SFXN5: variants seen among roughly 807,000 people sequenced by gnomAD.
SFXN5 encodes the protein sideroflexin 5.
Under a neutral mutation model 50.2 loss-of-function variants are expected in SFXN5, and 43 were observed. The observed-to-expected ratio is 0.86, with a 90% CI of 0.67 to 1.11. The LOEUF is 1.11. Ranked by LOEUF, SFXN5 falls within the 50% of genes least tolerant of loss-of-function variation. The pLI is 0.00. For missense variants in SFXN5, 463 were observed against 454.1 expected (o/e 1.02, Z -0.18); for synonymous variants, 203 against 185.8 (o/e 1.09, Z -0.75).
Position 73,023,202 on chromosome 2 carries a change from G to T in SFXN5, c.262C>A (p.Gln88Lys). Residue 88 changes from glutamine (Q) to lysine (K), a missense_variant, in exon 4 of 14, where the codon CAG (glutamine) becomes AAG (lysine). By Grantham distance (53) the Gln-to-Lys change is moderately conservative. Coordinates refer to ENST00000272433, the MANE Select transcript of SFXN5 (RefSeq NM_144579.3). ...GVTNEQLWSA[Q>K]KIKQAILHPD... ...AACTGGATTACCTGCTTGATTTTCTGTGCACTCCAGAGCTGGAAGAGAGAT... is the reference window on the plus strand; with the variant it reads ...AACTGGATTACCTGCTTGATTTTCTTTGCACTCCAGAGCTGGAAGAGAGAT... 1 of 1,603,562 alleles carries T rather than the reference G, an allele frequency of 6.2e-7. No homozygotes were observed. The highest frequency in any genetic ancestry group is 1.7e-5 in the Admixed American group (1 of 59,062).
chr2:72,959,851 T>C (rs1180148204), intron 13 of SFXN5, among the ~76,000 whole-genome samples: 1 of 152,150 alleles, frequency 6.6e-6, no homozygotes, highest in Non-Finnish European at 1.5e-5. Flanking sequence ...CCCCTCCTGA[T>C]CCCACATCTT....
In SFXN5 at chr2:72,961,911, G is replaced by A. The variant is rs1673789338; in HGVS notation, c.828-663C>T. On this transcript the variant is annotated intron_variant, in intron 12 of 13. Coordinates refer to ENST00000272433, the MANE Select transcript of SFXN5 (RefSeq NM_144579.3). This position sits in a 1 kb window ranked among gnomAD's most constrained non-coding sequence, Gnocchi z 4.4. ...CCCCGAGGGTGCTGTCACCCCAGCT[G>A]GTCCCCTGTGCCAGCTTCATCACCA... 6.6e-6 allele frequency among the ~76,000 whole-genome samples: 1 copy of A among 151,770 alleles called. No homozygotes were observed. The highest frequency in any genetic ancestry group is 2.1e-4 in the South Asian group (1 of 4,818).
chr2:73,059,793 G>A lies in SFXN5; in HGVS notation c.103-1197C>T. The A allele has an allele frequency of 5.1e-6, 5 of 979,740 alleles. 2 individuals are homozygous for A. Among genetic ancestry groups the A allele is most frequent in the Non-Finnish European group, 6.1e-6 (5 of 826,154 alleles). 60.7% of individuals were successfully genotyped at this position (979,740 alleles called of 1,614,324 possible). ...TCCCATTAAAGACATACATAAGGGA[G>A]GCTCACAATGCTGTCCTGGCAAAAT... is the stretch of plus-strand genomic sequence containing the variant. On this transcript the variant is annotated intron_variant, in intron 1 of 13. Transcript: ENST00000272433.
chr2:73,058,382 TAGAG>T (rs1682401387), intron 2 of SFXN5, 142 bp downstream of exon 2: 4 of 669,532 alleles, frequency 6.0e-6, no homozygotes, highest in Non-Finnish European at 1.1e-5. Flanking sequence ...CAGCTACAGG[TAGAG>T]AGAATTTGTT....
intron 6 of SFXN5, among the ~76,000 whole-genome samples, chr2:73,013,483 T>C (rs1026768827): frequency 6.6e-6 from 1 of 151,262 alleles, no homozygotes; most frequent in South Asian, 2.1e-4. Context: ...CAAAACTGTC[T>C]GAACACACCA....
rs1357969108 is a variant in SFXN5 at position 72,971,571 on chromosome 2, T to C, written c.740A>G (p.His247Arg). Residue 247 changes from histidine to arginine, a missense_variant and splice_region_variant, in exon 11 of 14, where the codon CAC (histidine) becomes CGC (arginine). Physicochemically the swap from His to Arg is conservative, Grantham distance 29 (BLOSUM62 0). Transcript: ENST00000272433. ...LVGSSKIAAR[H>R]ALLETALTRV... is the part of the protein sequence containing the mutation. ...AACCCTGCGAACCCCCAGACCCACG[T>C]GTCGGGCTGCGATCTTGGAGGAGCC... The C allele has an allele frequency of 2.5e-6, 4 of 1,612,912 alleles. No homozygotes were observed. The African/African-American group carries it at 5.3e-5, about 22-fold the overall frequency.
At chr2:73,008,497 G>A (rs1409811384) in intron 6 of SFXN5, among the ~76,000 whole-genome samples, 2 of 152,204 alleles carry the variant, frequency 1.3e-5, no homozygotes, top group Admixed American at 1.3e-4. Context: ...GCCAAGGGAA[G>A]AGGGCGCAGG....
intron 9 of SFXN5, among the ~76,000 whole-genome samples, chr2:72,988,757 A>G (rs778891117): frequency 6.6e-6 from 1 of 151,786 alleles, no homozygotes; most frequent in African/African-American, 2.4e-5. Flanking sequence ...CCCCAGCCCT[A>G]AGCACCATCT....
chr2:73,056,448 G>A (rs1054711597), intron 2 of SFXN5, among the ~76,000 whole-genome samples: 1 of 151,810 alleles, frequency 6.6e-6, no homozygotes, highest in Non-Finnish European at 1.5e-5. Context: ...CATTTTGGGA[G>A]GCTGAGGTGG....
chr2:73,026,072 C>T (rs950692686), intron 3 of SFXN5, among the ~76,000 whole-genome samples: 23 of 151,620 alleles, frequency 1.5e-4, no homozygotes, highest in Admixed American at 9.8e-4. Context: ...GACAGGCCAT[C>T]AGCGCAATGC....
intron 1 of SFXN5, among the ~76,000 whole-genome samples, chr2:73,065,919 C>G (rs1408152994): frequency 6.6e-6 from 1 of 152,180 alleles, no homozygotes. Context: ...GTGTTTGTTT[C>G]CTGTCCTGGG....
chr2:73,058,442 T>A, intron 2 of SFXN5, 86 bp downstream of exon 2: 1 of 1,312,748 alleles, frequency 7.6e-7, no homozygotes, highest in Non-Finnish European at 1.1e-6. Flanking sequence ...CACTCCCCCA[T>A]CCTCACCCTC....
chr2:73,025,144 A>G (rs553476530), intron 3 of SFXN5, among the ~76,000 whole-genome samples: 2 of 150,720 alleles, frequency 1.3e-5, no homozygotes, highest in African/African-American at 2.4e-5. Flanking sequence ...GTTATTTAAA[A>G]ACAACAACAA....
chr2:73,037,421 T>C (rs1679126594), intron 3 of SFXN5, among the ~76,000 whole-genome samples: 1 of 152,194 alleles, frequency 6.6e-6, no homozygotes, highest in East Asian at 1.9e-4. Context: ...AAAACCTACG[T>C]GTCAGCCTAT....
At position 72,942,920 on chromosome 2, in the gene SFXN5, G is replaced by A. The variant is rs1417115089; in HGVS notation, c.*2102C>T. ...TGCACAAGAATAAGACCTTATGATA[G>A]GTAGGAGCAGGGTGAGCTTGAAGTG... On this transcript the variant is annotated 3_prime_UTR_variant, in exon 14 of 14. Transcript: ENST00000272433. 1.3e-5 allele frequency: 2 copies of A among 152,340 alleles called. No homozygotes were observed. Among genetic ancestry groups the A allele is most frequent in the Admixed American group, 6.5e-5 (1 of 15,290 alleles). The allele number at this position is 152,340 out of a possible 1,614,324, so 9.4% of individuals were successfully genotyped here.
rs921006166 is a variant in SFXN5 at position 72,960,935 on chromosome 2, T to C, written c.945+196A>G. On this transcript the variant is annotated intron_variant, in intron 13 of 13. Transcript: ENST00000272433. The surrounding 1 kb of genome is among the most constrained non-coding windows in gnomAD (Gnocchi z 6.1). ...ACCCTAACGCTCCTGGCTCCTCATC[T>C]GCTGGCCTCTGTTTAATCACCCTGT... Among the ~76,000 whole-genome samples the C allele has an allele frequency of 5.9e-5, 9 of 152,238 alleles. No individual in the cohort carries two copies. Among genetic ancestry groups the C allele is most frequent in the African/African-American group, 1.9e-4 (8 of 41,466 alleles).
At chr2:73,060,295 TGGGACACTGTGTTCTTCCAAATG>T (rs948920771) in intron 1 of SFXN5, among the ~76,000 whole-genome samples, 1 of 152,100 alleles carries the variant, frequency 6.6e-6, no homozygotes, top group Admixed American at 6.5e-5. Context: ...GAAGGGCAGG[TGGGACACTGTGTTCTTCCAAATG>T]TGATACCCCG....
intron 12 of SFXN5, among the ~76,000 whole-genome samples, chr2:72,963,621 C>A (rs1490016572): frequency 6.6e-6 from 1 of 152,042 alleles, no homozygotes; most frequent in East Asian, 1.9e-4. Flanking sequence ...TGTGCGAATG[C>A]CTGGGAGAAA....
chr2:73,042,487 C>A (rs1187830199), intron 2 of SFXN5: 1 of 152,100 alleles, frequency 6.6e-6, no homozygotes, highest in East Asian at 1.9e-4. Flanking sequence ...GTGGTGCGCA[C>A]CTGTAATCCC....
Sources: allele counts gnomAD v4.1 joint callset (sites outside exome capture counted in the v4.1 genomes callset), GRCh38; gene constraint gnomAD v4.1.1; non-coding constraint Gnocchi (gnomAD v3.1); transcripts MANE v1.5; gene names NCBI Gene and HGNC (gene_info 2026-07-23, HGNC 2026-07-21).